The following RALGPS2 variants were observed in gnomAD, a reference collection of about 807,000 sequenced individuals.
RALGPS2 encodes Ral GEF with PH domain and SH3 binding motif 2.
RALGPS2 carries 43 observed loss-of-function variants against 86.8 expected under a neutral mutation model. That is an observed-to-expected ratio of 0.50 (90% confidence interval 0.39 to 0.64). The LOEUF is 0.64. Ranked by LOEUF, RALGPS2 falls within the 30% of genes least tolerant of loss-of-function variation. The probability of loss-of-function intolerance (pLI) is 0.00; values close to 1 mark genes in which losing one functional copy is unlikely to be tolerated. For synonymous variants in RALGPS2, 243 were observed against 231.3 expected (o/e 1.05, Z -0.46); for missense variants, 536 against 694.6 (o/e 0.77, Z 2.57).
intron 1 of RALGPS2, among the ~76,000 whole-genome samples, chr1:178,750,481 C>T (rs879727052): frequency 1.3e-5 from 2 of 152,214 alleles, no homozygotes; most frequent in African/African-American, 2.4e-5. Context: ...AAGTGGCACC[C>T]TATCACTTGC....
chr1:178,911,771 G>A (rs1320215521), intron 19 of RALGPS2, among the ~76,000 whole-genome samples: 1 of 152,178 alleles, frequency 6.6e-6, no homozygotes, highest in Non-Finnish European at 1.5e-5. Context: ...ATTTTTGTTA[G>A]TTTTCTGCCT....
chr1:178,761,407 C>T (rs1419869779), intron 1 of RALGPS2, among the ~76,000 whole-genome samples: 2 of 149,902 alleles, frequency 1.3e-5, no homozygotes, highest in South Asian at 2.1e-4. Flanking sequence ...CCAGCCTGGG[C>T]GACTTGAGTG....
chr1:178,847,336 C>T (rs1656916360), intron 8 of RALGPS2, among the ~76,000 whole-genome samples: 1 of 152,086 alleles, frequency 6.6e-6, no homozygotes, highest in African/African-American at 2.4e-5. Context: ...ATCCCAGCTA[C>T]TGGGGAGGCT....
chr1:178,885,646 T>G (rs936058301), intron 12 of RALGPS2: 1 of 205,798 alleles, frequency 4.9e-6, no homozygotes, highest in Admixed American at 5.9e-5. Flanking sequence ...CAGTATTGTT[T>G]TTTCAAAATG....
intron 1 of RALGPS2, among the ~76,000 whole-genome samples, chr1:178,732,204 A>C (rs1650406454): frequency 6.6e-6 from 1 of 152,232 alleles, no homozygotes; most frequent in African/African-American, 2.4e-5. Flanking sequence ...AAGAGTAAAA[A>C]AGTGAATAGA....
At chr1:178,880,370 T>A (rs1387418813) in intron 10 of RALGPS2, among the ~76,000 whole-genome samples, 1 of 152,222 alleles carries the variant, frequency 6.6e-6, no homozygotes, top group African/African-American at 2.4e-5. Context: ...TGAAAATGCC[T>A]TTATTGCCAT....
Position 178,783,848 on chromosome 1 carries a change from C to T in RALGPS2, c.58-570C>T, listed in dbSNP as rs559951636. Among the ~76,000 whole-genome samples, 23 of 152,170 alleles carry T rather than the reference C, an allele frequency of 1.5e-4. 1 individual carries two copies. The South Asian group carries it at 4.8e-3, about 32-fold the overall frequency. ...CCACCTTTCATTCTATGTATAGCCA[C>T]AACATATTCAAACTTGAAACAGTAA... On this transcript the variant is annotated intron_variant, in intron 2 of 19. Transcript: ENST00000367635.
chr1:178,881,714 G>A (rs1226032664), intron 10 of RALGPS2, among the ~76,000 whole-genome samples: 1 of 152,170 alleles, frequency 6.6e-6, no homozygotes, highest in Non-Finnish European at 1.5e-5. Flanking sequence ...GCCTCCCAAA[G>A]TGCTAGGATT....
Position 178,885,118 on chromosome 1 carries a change from T to G in RALGPS2, c.947T>G (p.Val316Gly), listed in dbSNP as rs774192387. Residue 316 changes from valine to glycine, a missense_variant, in exon 12 of 20, where the codon GTG (valine) becomes GGG (glycine). By Grantham distance (109) the Val-to-Gly change is moderately radical. Transcript: ENST00000367635. ...TCTCCACAGAGTGGACGAAAAAGTG[T>G]GGCAGCTGAAGGAGCCTTGCTCCCA... ...GASPQSGRKS[V>G]AAEGALLPQT... 35 of 1,612,376 alleles carry G rather than the reference T, an allele frequency of 2.2e-5. No homozygotes were observed. The African/African-American group carries it at 4.5e-4, about 21-fold the overall frequency.
rs538240709 is a variant in RALGPS2, at chr1:178,828,694, G to A, written c.481-4730G>A. On this transcript the variant is annotated intron_variant, in intron 7 of 19. Coordinates refer to ENST00000367635, the MANE Select transcript of RALGPS2 (RefSeq NM_152663.5). ...GTGCTCAACATCGCTAATCATCAGGGCAGTGCAAATCAAAACCACATAATA... is the reference window on the plus strand; with the variant it reads ...GTGCTCAACATCGCTAATCATCAGGACAGTGCAAATCAAAACCACATAATA... Among the ~76,000 whole-genome samples, 24 of 152,270 alleles carry A rather than the reference G, an allele frequency of 1.6e-4. No homozygotes were observed. In the South Asian group the frequency reaches 4.1e-3, roughly 26 times the overall value.
intron 8 of RALGPS2, among the ~76,000 whole-genome samples, chr1:178,875,003 A>T (rs1658938356): frequency 6.6e-6 from 1 of 152,214 alleles, no homozygotes; most frequent in African/African-American, 2.4e-5. Flanking sequence ...TTATAAGGGA[A>T]TCAAAAATGT....
chr1:178,791,106 A>T (rs1033658107), intron 4 of RALGPS2, among the ~76,000 whole-genome samples: 14 of 152,030 alleles, frequency 9.2e-5, no homozygotes, highest in African/African-American at 3.1e-4. Context: ...TGTTTAAAAG[A>T]TCTTCAGTGT....
At chr1:178,791,987 G>T (rs1427326871) in intron 4 of RALGPS2, among the ~76,000 whole-genome samples, 1 of 152,160 alleles carries the variant, frequency 6.6e-6, no homozygotes, top group East Asian at 1.9e-4. Context: ...ATTGTCCTTG[G>T]TCATTGATAA....
intron 8 of RALGPS2, among the ~76,000 whole-genome samples, chr1:178,868,417 T>G (rs533864794): frequency 4.1e-4 from 63 of 152,048 alleles, no homozygotes; most frequent in African/African-American, 1.5e-3. Context: ...AACTCTGAGA[T>G]CATAAAATTA....
chr1:178,822,846 T>C (rs953390791), intron 7 of RALGPS2, among the ~76,000 whole-genome samples: 1 of 152,182 alleles, frequency 6.6e-6, no homozygotes, highest in African/African-American at 2.4e-5. Context: ...AAAAAAATTC[T>C]ATTTTTATTT....
At chr1:178,759,667 G>A (rs1652136908) in intron 1 of RALGPS2, among the ~76,000 whole-genome samples, 1 of 151,516 alleles carries the variant, frequency 6.6e-6, no homozygotes, top group Admixed American at 6.6e-5. Context: ...CCTTGAATCT[G>A]TAGATTAGTT....
chr1:178,793,063 A>G (rs1299681674), intron 4 of RALGPS2, among the ~76,000 whole-genome samples: 1 of 152,164 alleles, frequency 6.6e-6, no homozygotes, highest in Non-Finnish European at 1.5e-5. Flanking sequence ...ATAAATCCTT[A>G]ATTACTTAAT....
intron 15 of RALGPS2, among the ~76,000 whole-genome samples, chr1:178,893,644 A>G (rs74959086): frequency 0.061 from 9,319 of 151,962 alleles, 307 homozygotes; most frequent in African/African-American, 0.075. Context: ...AATATTTACT[A>G]AAGTGAATTA....
In RALGPS2 at chr1:178,820,414, C is replaced by T. The variant is rs182157745; in HGVS notation, c.388-1198C>T. 1.5e-3 allele frequency among the ~76,000 whole-genome samples: 221 copies of T among 152,282 alleles called. 3 individuals carry two copies. The highest frequency in any genetic ancestry group is 5.8e-4 in the East Asian group (3 of 5,184). ...CCCTTTCTGGTTTCATCTTCTGGTA[C>T]TCTGATACTTCTCATATTCAGCTTC... On this transcript the variant is annotated intron_variant, in intron 6 of 19. Transcript: ENST00000367635.
Sources: gnomAD v4.1 joint callset for allele counts (sites outside exome capture counted in the v4.1 genomes callset) on GRCh38, gnomAD v4.1.1 for gene constraint, MANE v1.5 for transcripts, NCBI Gene and HGNC (gene_info 2026-07-23, HGNC 2026-07-21) for gene names.